Variants in TMEM165 observed in about 807,000 individuals in gnomAD.
The protein encoded by TMEM165 is putative divalent cation/proton antiporter TMEM165.
A neutral mutation model predicts 30.0 loss-of-function variants in TMEM165; 19 were observed. The ratio of observed to expected loss-of-function variants is 0.63; its 90% CI spans 0.44 to 0.93. The LOEUF (loss-of-function observed/expected upper bound fraction) is 0.93. Among genes scored for constraint, TMEM165 ranks in the 40% least tolerant of loss-of-function variants. The pLI, the probability that TMEM165 is intolerant of heterozygous loss-of-function variation, is 0.00. For missense variants in TMEM165, 340 were observed against 417.0 expected, an observed-to-expected ratio of 0.82 and a Z score of 1.61; for synonymous variants, 168 against 162.9, an observed-to-expected ratio of 1.03 and a Z score of -0.24.
In TMEM165 at chr4:55,403,569, G is replaced by GT. The variant is rs1406506084; in HGVS notation, c.207+7180dup. On this transcript the variant is annotated intron_variant, in intron 1 of 5. Transcript: ENST00000381334. ...CTAGAAAAGAGTTTTTATTAAGCAA[G>GT]TTTTTTTAAAAAAATCTTAAGTTGT... 1.7e-3 allele frequency among the ~76,000 whole-genome samples: 107 copies of GT among 61,434 alleles called. No homozygotes were observed. In the East Asian group the frequency reaches 0.019, roughly 11 times the overall value. The allele number at this position is 61,434 out of a possible 152,430, so 40.3% of individuals were successfully genotyped here.
At position 55,435,119 on chromosome 4, in the gene TMEM165, T is replaced by C; in HGVS notation, c.408+10476T>C. 1.0e-5 allele frequency: 4 copies of C among 397,154 alleles called. 1 individual carries two copies. Among genetic ancestry groups the C allele is most frequent in the South Asian group, 6.6e-5 (3 of 45,732 alleles). The allele number at this position is 397,154 out of a possible 1,614,324, so 24.6% of individuals were successfully genotyped here. A position where few individuals can be genotyped will look rare whatever the true frequency, so the allele number is the denominator to read the frequency against. ...TTCTGATTCCCTGGAGGTCATTTCA[T>C]AGCTGAGCTTCTTAATATTTGGCAA... On this transcript the variant is annotated intron_variant, in intron 3 of 3. Transcript: ENST00000608091.
At chr4:55,424,768 T>A (rs1328845646) in intron 5 of TMEM165, 125 bp downstream of exon 5, 2 of 619,636 alleles carry the variant, frequency 3.2e-6, no homozygotes, top group East Asian at 3.3e-5. Context: ...ACCTACCATC[T>A]CTTATAGAGG....
At chr4:55,443,560 C>G in intron 3 of TMEM165, 2 of 760,348 alleles carry the variant, frequency 2.6e-6, no homozygotes, top group Non-Finnish European at 4.6e-6. Context: ...ACTCTCAATA[C>G]TATACTTTCT....
Position 55,396,387 on chromosome 4 carries a change from C to A in TMEM165, c.198C>A (p.Ala66=). 6.7e-7 allele frequency: 1 copy of A among 1,489,208 alleles called. No individual in the cohort carries two copies. The highest frequency in any genetic ancestry group is 1.3e-5 in the South Asian group (1 of 78,958). The allele number at this position is 1,489,208 out of a possible 1,614,324, so 92.2% of individuals were successfully genotyped here. The stretch of plus-strand genomic sequence containing the variant: ...TGGCTGTGCAGGGCCCCGAGCCGGC[C>A]CGGGTCGAGGTGAGCGGGCCGGGAT... ...QPVAVQGPEP[A]RVEKIFTPAA... Residue 66 remains alanine (A), a synonymous_variant, in exon 1 of 6, where the codon GCC becomes GCA. Coordinates refer to ENST00000381334, the MANE Select transcript of TMEM165 (RefSeq NM_018475.5).
intron 3 of TMEM165, chr4:55,435,582 G>T (rs762866277): frequency 1.2e-6 from 2 of 1,613,928 alleles, no homozygotes; most frequent in South Asian, 2.2e-5. Flanking sequence ...TTCCCATGGA[G>T]CAACCTAGAA....
intron 1 of TMEM165, among the ~76,000 whole-genome samples, chr4:55,400,290 ATATATAATATT>A (rs1720922171): frequency 1.0e-5 from 1 of 99,190 alleles, no homozygotes; most frequent in African/African-American, 5.2e-5. Context: ...ATTATATATT[ATATATAATATT>A]ATATATAATA....
intron 1 of TMEM165, among the ~76,000 whole-genome samples, chr4:55,411,097 T>C (rs1353994561): frequency 2.7e-5 from 4 of 146,366 alleles, no homozygotes; most frequent in Admixed American, 6.9e-5. Flanking sequence ...ATCACACCAC[T>C]GCACTCCAGC....
chr4:55,450,181 C>T (rs1324870335), intron 3 of TMEM165: 4 of 1,613,860 alleles, frequency 2.5e-6, no homozygotes, highest in Non-Finnish European at 3.4e-6. Flanking sequence ...CTTTCCAATG[C>T]TTCCTTGAGA....
At position 55,426,175 on chromosome 4, in the gene TMEM165, G is replaced by C. The variant is rs564392901; in HGVS notation, c.*723G>C. ...TATAAATAAAAGTGGTATGACCAGT[G>C]CTTGTTTTTCCTTGTGTGTCATATA... On this transcript the variant is annotated 3_prime_UTR_variant, in exon 6 of 6. Coordinates refer to ENST00000381334, the MANE Select transcript of TMEM165 (RefSeq NM_018475.5). 1 of 152,220 alleles carries C rather than the reference G, an allele frequency of 6.6e-6. No individual in the cohort carries two copies. The highest frequency in any genetic ancestry group is 2.4e-5 in the African/African-American group (1 of 41,542). The allele number at this position is 152,220 out of a possible 1,614,324, so 9.4% of individuals were successfully genotyped here.
chr4:55,402,820 CTT>C (rs1447356693), intron 1 of TMEM165, among the ~76,000 whole-genome samples: 1 of 22,366 alleles, frequency 4.5e-5, no homozygotes, highest in Non-Finnish European at 9.9e-5. Flanking sequence ...GAGACGGAGT[CTT>C]GCTCTGTCGC....
intron 3 of TMEM165, among the ~76,000 whole-genome samples, chr4:55,439,734 C>G (rs1183638639): frequency 6.6e-6 from 1 of 152,092 alleles, no homozygotes; most frequent in Non-Finnish European, 1.5e-5. Flanking sequence ...GAACATTATC[C>G]TAAGTAAAAT....
intron 3 of TMEM165, chr4:55,443,725 T>C (rs754251039): frequency 1.2e-6 from 2 of 1,614,018 alleles, no homozygotes; most frequent in African/African-American, 1.3e-5. Context: ...TGTTGTATCA[T>C]GTGCTGAGTT....
chr4:55,435,790 A>T (rs1315368780), intron 3 of TMEM165, among the ~76,000 whole-genome samples: 1 of 152,186 alleles, frequency 6.6e-6, no homozygotes, highest in African/African-American at 2.4e-5. Flanking sequence ...AAAGTATGAG[A>T]GAGTTTCATT....
At chr4:55,426,453 GACT>G (rs1722205229), downstream of TMEM165, among the ~76,000 whole-genome samples, 1 of 152,148 alleles carries the variant, frequency 6.6e-6, no homozygotes, top group Non-Finnish European at 1.5e-5. Context: ...ATTATGCTAA[GACT>G]ACCTCATTTT....
intron 3 of TMEM165, chr4:55,444,011 TAA>T: frequency 3.7e-6 from 3 of 821,426 alleles, no homozygotes; most frequent in Admixed American, 2.6e-5. Context: ...GTAACAAGGC[TAA>T]GTCACTTTGA....
chr4:55,437,399 T>G (rs1722970260), intron 3 of TMEM165, among the ~76,000 whole-genome samples: 1 of 152,178 alleles, frequency 6.6e-6, no homozygotes. Flanking sequence ...AAAGGTAGAT[T>G]TCTAGTGAGG....
chr4:55,443,809 G>A, intron 3 of TMEM165: 4 of 1,613,948 alleles, frequency 2.5e-6, no homozygotes, highest in Non-Finnish European at 2.5e-6. Context: ...ATATTTATAG[G>A]TGCAAGTTGC....
At chr4:55,400,954 A>G (rs189872823) in intron 1 of TMEM165, among the ~76,000 whole-genome samples, 1 of 150,806 alleles carries the variant, frequency 6.6e-6, no homozygotes, top group Non-Finnish European at 1.5e-5. Context: ...GTAAGTTTCA[A>G]CGGATTTGCT....
intron 4 of TMEM165, among the ~76,000 whole-genome samples, chr4:55,420,916 G>A (rs909801419): frequency 6.6e-6 from 1 of 151,756 alleles, no homozygotes; most frequent in Non-Finnish European, 1.5e-5. Context: ...TTAAGACTTG[G>A]GCCAGGTGTG....
Sources: allele counts gnomAD v4.1 joint callset (sites outside exome capture counted in the v4.1 genomes callset), GRCh38; gene constraint gnomAD v4.1.1; transcripts MANE v1.5; gene names NCBI Gene and HGNC (gene_info 2026-07-23, HGNC 2026-07-21).